POT1: variants seen among roughly 807,000 people sequenced by gnomAD.
The protein encoded by POT1 is protection of telomeres 1.
Under a neutral mutation model 78.5 loss-of-function variants are expected in POT1, and 47 were observed. That is an observed-to-expected ratio of 0.60 (90% confidence interval 0.47 to 0.76). POT1 has a LOEUF of 0.76. Among genes scored for constraint, POT1 ranks in the 30% least tolerant of loss-of-function variants. POT1 has a pLI of 0.00. For missense variants in POT1, 646 were observed against 749.9 expected, an observed-to-expected ratio of 0.86 and a Z score of 1.62; for synonymous variants, 259 against 260.7, an observed-to-expected ratio of 0.99 and a Z score of 0.06.
chr7:124,847,974 TAAC>T (rs1020138653), intron 11 of POT1, among the ~76,000 whole-genome samples: 15 of 152,160 alleles, frequency 9.9e-5, no homozygotes, highest in Non-Finnish European at 2.2e-4. Flanking sequence ...AATGATGTCA[TAAC>T]AACTAGAAAT....
chr7:124,885,455 G>C (rs1796220980), intron 6 of POT1, among the ~76,000 whole-genome samples: 1 of 151,798 alleles, frequency 6.6e-6, no homozygotes, highest in African/African-American at 2.4e-5. Context: ...CTAGTCAACA[G>C]AGCAAGACCC....
At chr7:124,832,264 A>G (rs1282182087) in intron 15 of POT1, among the ~76,000 whole-genome samples, 4 of 151,088 alleles carry the variant, frequency 2.6e-5, no homozygotes, top group Non-Finnish European at 4.4e-5. Context: ...AAAAAAAAAA[A>G]AAAAAAAAAA....
intron 5 of POT1, among the ~76,000 whole-genome samples, chr7:124,894,428 C>T (rs1796444187): frequency 6.6e-6 from 1 of 151,556 alleles, no homozygotes; most frequent in South Asian, 2.1e-4. Flanking sequence ...TGACACTAAC[C>T]ATTATAATCA....
At chr7:124,836,909 G>T (rs1794913006) in intron 14 of POT1, among the ~76,000 whole-genome samples, 1 of 152,194 alleles carries the variant, frequency 6.6e-6, no homozygotes, top group Admixed American at 6.5e-5. Flanking sequence ...GCCTAAATCA[G>T]TGTCTGGCAC....
At chr7:124,892,950 G>A (rs1281667365) in intron 5 of POT1, 1 of 151,348 alleles carries the variant, frequency 6.6e-6, no homozygotes, top group East Asian at 1.9e-4. Context: ...AAATGACTAG[G>A]CATAAAGAGA....
At chr7:124,863,695 C>T in intron 7 of POT1, 55 bp from the exon 8 acceptor site, 1 of 1,327,988 alleles carries the variant, frequency 7.5e-7, no homozygotes, top group Non-Finnish European at 1.0e-6. Flanking sequence ...CTTACTGATG[C>T]ACAACCTACG....
intron 3 of POT1, among the ~76,000 whole-genome samples, chr7:124,901,050 C>G (rs1796607200): frequency 1.3e-5 from 2 of 152,132 alleles, no homozygotes; most frequent in South Asian, 4.1e-4. Context: ...CTGCCTGCCT[C>G]TGTAGATTCC....
chr7:124,843,046 A>T, intron 12 of POT1, 83 bp from the exon 13 acceptor site: 1 of 947,578 alleles, frequency 1.1e-6, no homozygotes, highest in African/African-American at 1.7e-5. Context: ...ATATACTATA[A>T]AATCTAATTA....
rs1314640017 is a variant in POT1, at chr7:124,842,819, T to C, written c.1151A>G (p.Lys384Arg). ...GGAAAATACTCACAGCAAATGACAT[T>C]TAGGGCAATGAAGTTTAACAGACTG... ...LFQSVKLHCPKCHLLQEVPHE... is the reference protein window; with the variant it reads ...LFQSVKLHCPRCHLLQEVPHE... The change falls in exon 13 of 19, where the codon AAA becomes AGA. Residue 384 changes from lysine to arginine, a missense_variant. Physicochemically the swap from Lys to Arg is conservative, Grantham distance 26. Coordinates refer to ENST00000357628, the MANE Select transcript of POT1 (RefSeq NM_015450.3). 3.1e-6 allele frequency: 5 copies of C among 1,599,390 alleles called. No homozygotes were observed. Among genetic ancestry groups the C allele is most frequent in the Non-Finnish European group, 4.3e-6 (5 of 1,176,428 alleles).
rs1422899913 is a variant in POT1, at chr7:124,896,881, C to T, written c.9+284G>A. Among the ~76,000 whole-genome samples, 11 of 151,780 alleles carry T rather than the reference C, an allele frequency of 7.2e-5. No homozygotes were observed. In the South Asian group the frequency reaches 2.3e-3, roughly 31 times the overall value. On this transcript the variant is annotated intron_variant, in intron 5 of 18. Transcript: ENST00000357628. ...TAACAAAAATTTAAGGATCTTCATA[C>T]AGTAAAAACTTATTTTATTTTTCTT... is the stretch of plus-strand genomic sequence containing the variant.
chr7:124,856,269 C>G (rs1795444368), intron 9 of POT1, among the ~76,000 whole-genome samples: 1 of 151,948 alleles, frequency 6.6e-6, no homozygotes, highest in Non-Finnish European at 1.5e-5. Context: ...TGAAGAGTTC[C>G]TAAATTAAGA....
chr7:124,840,687 C>T (rs1021369284), intron 14 of POT1: 2 of 214,590 alleles, frequency 9.3e-6, no homozygotes, highest in Non-Finnish European at 1.8e-5. Context: ...TATTACTTAA[C>T]TAGACAATCA....
chr7:124,889,216 A>G (rs1445488247), intron 6 of POT1, among the ~76,000 whole-genome samples: 1 of 152,062 alleles, frequency 6.6e-6, no homozygotes, highest in African/African-American at 2.4e-5. Flanking sequence ...AGAAAATTTT[A>G]GTCGTCTGCA....
At chr7:124,844,318 G>A (rs770932963) in intron 12 of POT1, among the ~76,000 whole-genome samples, 3 of 151,270 alleles carry the variant, frequency 2.0e-5, no homozygotes, top group African/African-American at 4.8e-5. Flanking sequence ...TAGTAGAAAC[G>A]GGGTTTCTCC....
intron 3 of POT1, 68 bp downstream of exon 3, chr7:124,915,506 T>C (rs577254533): frequency 5.9e-5 from 9 of 152,266 alleles, no homozygotes; most frequent in African/African-American, 1.9e-4. Context: ...CACATATATA[T>C]ATGAAGTCAC....
At position 124,837,441 on chromosome 7, in the gene POT1, A is replaced by G. The variant is rs374527306; in HGVS notation, c.1370-2027T>C. On this transcript the variant is annotated intron_variant, in intron 14 of 18. Transcript: ENST00000357628. ...ATAGTGTTAATAATAAATAAATATTATAAACAATTCGAACCCACAAGTTTG... is the reference window on the plus strand; with the variant it reads ...ATAGTGTTAATAATAAATAAATATTGTAAACAATTCGAACCCACAAGTTTG... Among the ~76,000 whole-genome samples the G allele has an allele frequency of 1.1e-4, 17 of 152,306 alleles. 1 individual carries two copies. The East Asian group carries it at 3.3e-3, about 29-fold the overall frequency.
intron 14 of POT1, chr7:124,840,764 T>C (rs1795007093): frequency 1.5e-5 from 6 of 394,424 alleles, no homozygotes; most frequent in Non-Finnish European, 2.7e-5. Context: ...GAGTCTGAAG[T>C]ACAATTTCAA....
intron 3 of POT1, among the ~76,000 whole-genome samples, chr7:124,908,508 G>A (rs1796818107): frequency 1.3e-5 from 2 of 151,910 alleles, no homozygotes; most frequent in Admixed American, 1.3e-4. Flanking sequence ...ATTCCAAGAT[G>A]CTTGCTCAAG....
intron 4 of POT1, among the ~76,000 whole-genome samples, chr7:124,897,650 C>T (rs550303250): frequency 4.9e-4 from 74 of 151,866 alleles, no homozygotes; most frequent in Middle Eastern, 3.4e-3. Context: ...AGTGATCACT[C>T]TAACTGCAAA....
Sources: gnomAD v4.1 joint callset for allele counts (sites outside exome capture counted in the v4.1 genomes callset) on GRCh38, gnomAD v4.1.1 for gene constraint, MANE v1.5 for transcripts, NCBI Gene and HGNC (gene_info 2026-07-23, HGNC 2026-07-21) for gene names.